Variants in BIK observed in about 807,000 individuals in gnomAD.
The protein encoded by BIK is BCL2 interacting killer.
A neutral mutation model predicts 12.1 loss-of-function variants in BIK; 14 were observed. The observed-to-expected ratio is 1.16, with a 90% CI of 0.77 to 1.81. The LOEUF is 1.81. Among genes scored for constraint, BIK ranks in the 40% most tolerant of loss-of-function variants. The pLI is 0.00. For synonymous variants in BIK, 86 were observed against 92.3 expected (o/e 0.93, Z 0.39); for missense variants, 215 against 207.9 (o/e 1.03, Z -0.21).
At chr22:43,119,164 C>T (rs1187293141) in intron 1 of BIK, among the ~76,000 whole-genome samples, 1 of 151,840 alleles carries the variant, frequency 6.6e-6, no homozygotes, top group Non-Finnish European at 1.5e-5. Flanking sequence ...GGGCTTCTGA[C>T]TGGCGCCTGG....
intron 1 of BIK, among the ~76,000 whole-genome samples, chr22:43,115,244 C>G (rs928239402): frequency 6.6e-6 from 1 of 152,040 alleles, no homozygotes; most frequent in Non-Finnish European, 1.5e-5. Context: ...TGTGCCTGAG[C>G]CCCAAGGAAG....
At chr22:43,128,116 C>T (rs778665723) in intron 3 of BIK, among the ~76,000 whole-genome samples, 15 of 151,862 alleles carry the variant, frequency 9.9e-5, no homozygotes, top group Non-Finnish European at 1.9e-4. Context: ...TACGTGAGCT[C>T]GGATCCTAGA....
intron 1 of BIK, among the ~76,000 whole-genome samples, chr22:43,111,005 T>C (rs1262697919): frequency 6.6e-6 from 1 of 152,072 alleles, no homozygotes; most frequent in East Asian, 1.9e-4. Context: ...GGGCTCCAGG[T>C]CCCCGACGGG....
At chr22:43,123,567 A>C (rs1930256934) in intron 1 of BIK, among the ~76,000 whole-genome samples, 1 of 152,190 alleles carries the variant, frequency 6.6e-6, no homozygotes, top group African/African-American at 2.4e-5. Flanking sequence ...CCTGGCCAAC[A>C]TGATGAAACC....
chr22:43,116,649 G>C (rs1329237184), intron 1 of BIK, among the ~76,000 whole-genome samples: 1 of 152,014 alleles, frequency 6.6e-6, no homozygotes, highest in Non-Finnish European at 1.5e-5. Flanking sequence ...AGTAGAGACA[G>C]AGTTTCACCG....
rs17003510 is a variant in BIK, at chr22:43,118,368, G to A, written c.-7-5648G>A. 9.3e-3 allele frequency among the ~76,000 whole-genome samples: 1,421 copies of A among 152,304 alleles called. 14 individuals are homozygous for A. Among genetic ancestry groups the A allele is most frequent in the African/African-American group, 0.032 (1,350 of 41,556 alleles). On this transcript the variant is annotated intron_variant, in intron 1 of 4. Transcript: ENST00000216115. ...TTTTATGGAGCCCCTGCTAGGTGGT[G>A]GAAAATGGGCAGTAGTGTATGTTTT...
chr22:43,125,717 G>A (rs1452094215), intron 2 of BIK, among the ~76,000 whole-genome samples: 3 of 151,644 alleles, frequency 2.0e-5, no homozygotes, highest in East Asian at 1.9e-4. Flanking sequence ...GTAAGACTCC[G>A]TTTCACAAAA....
At chr22:43,121,024 A>C (rs1001066820) in intron 1 of BIK, among the ~76,000 whole-genome samples, 1 of 152,138 alleles carries the variant, frequency 6.6e-6, no homozygotes, top group African/African-American at 2.4e-5. Flanking sequence ...AAAATACAAA[A>C]ATTAGCCGGG....
intron 1 of BIK, among the ~76,000 whole-genome samples, chr22:43,115,651 T>C (rs1190942353): frequency 6.6e-6 from 1 of 151,076 alleles, no homozygotes; most frequent in Non-Finnish European, 1.5e-5. Flanking sequence ...TTAGTAGAGA[T>C]GAGGTTTCGC....
At position 43,123,381 on chromosome 22, in the gene BIK, G is replaced by C. The variant is rs117760903; in HGVS notation, c.-7-635G>C. Among the ~76,000 whole-genome samples, 5 of 152,284 alleles carry C rather than the reference G, an allele frequency of 3.3e-5. No homozygotes were observed. The East Asian group carries it at 9.6e-4, about 29-fold the overall frequency. On this transcript the variant is annotated intron_variant, in intron 1 of 4. Coordinates refer to ENST00000216115, the MANE Select transcript of BIK (RefSeq NM_001197.5). ...CTGACAGCAGGTGCCTGGGTTTTCT[G>C]CTTTGACAGGTTCTTGAGGGCTGGT...
chr22:43,117,963 G>A (rs1014265629), intron 1 of BIK, among the ~76,000 whole-genome samples: 7 of 152,102 alleles, frequency 4.6e-5, no homozygotes, highest in African/African-American at 1.2e-4. Flanking sequence ...GTAAGCCACC[G>A]CGGCTGGCCC....
Position 43,129,623 on chromosome 22 carries a change from CCCT to C in BIK, c.*319_*321del. The C allele has an allele frequency of 4.9e-6, 2 of 410,864 alleles. No homozygotes were observed. Among genetic ancestry groups the C allele is most frequent in the Non-Finnish European group, 8.7e-6 (2 of 230,128 alleles). 25.5% of individuals were successfully genotyped at this position (410,864 alleles called of 1,614,324 possible). A position where few individuals can be genotyped will look rare whatever the true frequency, so the allele number is the denominator to read the frequency against. On this transcript the variant is annotated 3_prime_UTR_variant, in exon 5 of 5. Transcript: ENST00000216115. ...GTAGCAGGGGGAGTGCTGGTCACACCCCTGTGTGATATGTGATGCCCTCGGCAA... is the reference window on the plus strand; with the variant it reads ...GTAGCAGGGGGAGTGCTGGTCACACCGTGTGATATGTGATGCCCTCGGCAA...
chr22:43,112,184 T>C (rs1239996087), intron 1 of BIK, among the ~76,000 whole-genome samples: 1 of 152,098 alleles, frequency 6.6e-6, no homozygotes, highest in Non-Finnish European at 1.5e-5. Context: ...TGGCACAGTT[T>C]GGGTGTTTTT....
chr22:43,129,564 G>A lies in BIK; in HGVS notation c.*259G>A, dbSNP rs778321320. 1.3e-4 allele frequency: 78 copies of A among 595,606 alleles called. No individual in the cohort carries two copies. The highest frequency in any genetic ancestry group is 9.2e-4 in the Middle Eastern group (2 of 2,176). The allele number at this position is 595,606 out of a possible 1,614,324, so 36.9% of individuals were successfully genotyped here. The stretch of plus-strand genomic sequence containing the variant: ...GTTAACTGTGGCCTGTGCCCAGGAA[G>A]AGCCATTCACTCCTGCCCCTGCCCA... On this transcript the variant is annotated 3_prime_UTR_variant, in exon 5 of 5. Coordinates refer to ENST00000216115, the MANE Select transcript of BIK (RefSeq NM_001197.5).
chr22:43,124,206 AC>A, intron 2 of BIK, 23 bp downstream of exon 2: 2 of 1,611,662 alleles, frequency 1.2e-6, no homozygotes, highest in South Asian at 1.1e-5. Flanking sequence ...GGCCTGCCCT[AC>A]CCCCTGCCTG....
At chr22:43,120,616 A>C (rs1271145094) in intron 1 of BIK, among the ~76,000 whole-genome samples, 1 of 152,184 alleles carries the variant, frequency 6.6e-6, no homozygotes, top group Non-Finnish European at 1.5e-5. Context: ...GCCAGGTAGG[A>C]GCTGACAGGA....
intron 1 of BIK, among the ~76,000 whole-genome samples, chr22:43,119,755 G>A (rs2147021079): frequency 6.6e-6 from 1 of 152,232 alleles, no homozygotes; most frequent in South Asian, 2.1e-4. Context: ...GGCGGGAGTT[G>A]AAGCCAGGAG....
In BIK at chr22:43,129,262, T is replaced by A. The variant is rs1254548633; in HGVS notation, c.440T>A (p.Leu147Gln). 1 of 1,597,808 alleles carries A rather than the reference T, an allele frequency of 6.3e-7. No individual in the cohort carries two copies. ...GCGCTGCTGCTGCTGCTGGCGCTGC[T>A]GCTGCCGCTGCTCAGCGGGGGCCTG... Reference protein sequence around the residue: ...LLALLLLLALLLPLLSGGLHL... With the variant: ...LLALLLLLALQLPLLSGGLHL... Residue 147 changes from leucine (L) to glutamine (Q), a missense_variant, in exon 5 of 5, where the codon CTG (leucine) becomes CAG (glutamine). By Grantham distance (113) the Leu-to-Gln change is moderately radical. Coordinates refer to ENST00000216115, the MANE Select transcript of BIK (RefSeq NM_001197.5).
chr22:43,116,723 C>T (rs1158818027), intron 1 of BIK, among the ~76,000 whole-genome samples: 1 of 152,170 alleles, frequency 6.6e-6, no homozygotes, highest in African/African-American at 2.4e-5. Flanking sequence ...TCCCAAAGTG[C>T]TGGGATTACA....
Sources: allele counts gnomAD v4.1 joint callset (sites outside exome capture counted in the v4.1 genomes callset), GRCh38; gene constraint gnomAD v4.1.1; transcripts MANE v1.5; gene names NCBI Gene and HGNC (gene_info 2026-07-23, HGNC 2026-07-21).